The following GRIN2B variants were observed in gnomAD, a reference collection of about 807,000 sequenced individuals.
GRIN2B encodes glutamate ionotropic receptor NMDA type subunit 2B.
In GRIN2B, 5 loss-of-function variants were observed where a neutral mutation model predicts 114.5. That is an observed-to-expected ratio of 0.04 (90% CI 0.02 to 0.09). GRIN2B has a LOEUF of 0.09. Ranked by LOEUF, GRIN2B falls within the 10% of genes least tolerant of loss-of-function variation. The pLI is 1.00. For synonymous variants in GRIN2B, 787 were observed against 745.1 expected, an observed-to-expected ratio of 1.06 and a Z score of -0.92; for missense variants, 1,108 against 1,943.5, an observed-to-expected ratio of 0.57 and a Z score of 8.08.
chr12:13,844,713 G>A (rs1021074207), intron 3 of GRIN2B, among the ~76,000 whole-genome samples: 4 of 152,122 alleles, frequency 2.6e-5, no homozygotes, highest in Non-Finnish European at 5.9e-5. Context: ...GAGACTTATG[G>A]TGATGATGGG....
At chr12:13,656,098 T>C (rs189047551) in intron 5 of GRIN2B, among the ~76,000 whole-genome samples, 6 of 152,318 alleles carry the variant, frequency 3.9e-5, no homozygotes, top group African/African-American at 9.6e-5. Flanking sequence ...TCTCCTTCCT[T>C]GGAGAACAGA....
rs910451657 is a variant in GRIN2B, at chr12:13,550,740, A to G, written c.*12043T>C. 5 of 152,164 alleles carry G rather than the reference A, an allele frequency of 3.3e-5. No individual in the cohort carries two copies. Among genetic ancestry groups the G allele is most frequent in the African/African-American group, 1.2e-4 (5 of 41,456 alleles). The allele number at this position is 152,164 out of a possible 1,614,324, so 9.4% of individuals were successfully genotyped here. On this transcript the variant is annotated 3_prime_UTR_variant, in exon 14 of 14. Transcript: ENST00000609686. ...GGCCCCATCCTAGTCATTAAAATGC[A>G]GTGGGATTGACTGTGCTAGACTGAT...
chr12:13,868,053 C>T (rs1410313776), intron 2 of GRIN2B, among the ~76,000 whole-genome samples: 2 of 152,118 alleles, frequency 1.3e-5, no homozygotes, highest in African/African-American at 4.8e-5. Context: ...ATGCTGGGGA[C>T]ATTTTGTGGC....
intron 3 of GRIN2B, among the ~76,000 whole-genome samples, chr12:13,805,465 C>G (rs1031206185): frequency 6.6e-6 from 1 of 152,076 alleles, no homozygotes; most frequent in South Asian, 2.1e-4. Flanking sequence ...GTGCTAACTA[C>G]AGCACAAGAA....
At chr12:13,649,011 G>T (rs989026011) in intron 5 of GRIN2B, among the ~76,000 whole-genome samples, 3 of 152,120 alleles carry the variant, frequency 2.0e-5, no homozygotes, top group Middle Eastern at 3.4e-3. Flanking sequence ...AAAAATACTG[G>T]CTTTAATCAC....
At chr12:13,656,279 G>T (rs1949862502) in intron 5 of GRIN2B, among the ~76,000 whole-genome samples, 1 of 152,182 alleles carries the variant, frequency 6.6e-6, no homozygotes, top group South Asian at 2.1e-4. Flanking sequence ...AGATTACAGA[G>T]AAAGAGACAA....
chr12:13,678,052 A>G (rs1174110762), intron 4 of GRIN2B, among the ~76,000 whole-genome samples: 5 of 152,160 alleles, frequency 3.3e-5, no homozygotes, highest in African/African-American at 1.2e-4. Context: ...AAATGTTCAG[A>G]GTCCTAAGCT....
intron 2 of GRIN2B, among the ~76,000 whole-genome samples, chr12:13,875,175 A>T (rs991270638): frequency 2.0e-5 from 3 of 152,162 alleles, no homozygotes; most frequent in Non-Finnish European, 2.9e-5. Flanking sequence ...CTATGTAACA[A>T]ACCTGCACAT....
At chr12:13,635,614 A>G (rs542342232) in intron 5 of GRIN2B, among the ~76,000 whole-genome samples, 53 of 152,322 alleles carry the variant, frequency 3.5e-4, no homozygotes, top group African/African-American at 1.1e-3. Flanking sequence ...GAGTACAAGC[A>G]CAGAAGGATT....
chr12:13,884,646 A>G (rs1296761353), intron 2 of GRIN2B, among the ~76,000 whole-genome samples: 1 of 152,080 alleles, frequency 6.6e-6, no homozygotes, highest in East Asian at 1.9e-4. Context: ...TTATAGAACT[A>G]GTAACAGAGA....
At chr12:13,658,241 T>C (rs1949886988) in intron 5 of GRIN2B, among the ~76,000 whole-genome samples, 1 of 151,294 alleles carries the variant, frequency 6.6e-6, no homozygotes, top group Non-Finnish European at 1.5e-5. Flanking sequence ...AACCCACACA[T>C]TTATAATATA....
At chr12:13,788,329 G>A (rs1009529090) in intron 3 of GRIN2B, among the ~76,000 whole-genome samples, 2 of 152,138 alleles carry the variant, frequency 1.3e-5, no homozygotes, top group African/African-American at 2.4e-5. Flanking sequence ...AATGGACTAA[G>A]TTTCCAGCAA....
At chr12:13,717,951 G>A (rs1296479596) in intron 4 of GRIN2B, among the ~76,000 whole-genome samples, 5 of 151,972 alleles carry the variant, frequency 3.3e-5, no homozygotes, top group South Asian at 2.1e-4. Context: ...AGGATGCTCC[G>A]TCAGGCATTT....
chr12:13,877,841 T>G (rs1262991610), intron 2 of GRIN2B, among the ~76,000 whole-genome samples: 1 of 152,022 alleles, frequency 6.6e-6, no homozygotes, highest in Non-Finnish European at 1.5e-5. Context: ...AGCAGGCGGA[T>G]CACTTGAGGT....
intron 2 of GRIN2B, among the ~76,000 whole-genome samples, chr12:13,875,755 T>A (rs1283770889): frequency 6.6e-6 from 1 of 152,218 alleles, no homozygotes; most frequent in Non-Finnish European, 1.5e-5. Context: ...TGCTGTGCGA[T>A]CTTTACCTCT....
At chr12:13,703,637 C>T (rs180828225) in intron 4 of GRIN2B, among the ~76,000 whole-genome samples, 20 of 152,254 alleles carry the variant, frequency 1.3e-4, no homozygotes, top group Admixed American at 9.8e-4. Flanking sequence ...CATAATCTTT[C>T]ATTGAATTAT....
At chr12:13,934,221 C>T (rs1301833009) in intron 2 of GRIN2B, among the ~76,000 whole-genome samples, 1 of 152,194 alleles carries the variant, frequency 6.6e-6, no homozygotes, top group African/African-American at 2.4e-5. Context: ...CATGCTCTTC[C>T]TCTGTGTCCA....
At chr12:13,645,430 T>C (rs1949752445) in intron 5 of GRIN2B, among the ~76,000 whole-genome samples, 1 of 152,032 alleles carries the variant, frequency 6.6e-6, no homozygotes, top group African/African-American at 2.4e-5. Flanking sequence ...ACAGATATAA[T>C]AATAATGAAA....
At chr12:13,731,259 A>G (rs1863082450) in intron 4 of GRIN2B, among the ~76,000 whole-genome samples, 1 of 152,174 alleles carries the variant, frequency 6.6e-6, no homozygotes, top group African/African-American at 2.4e-5. Flanking sequence ...CTTCTGTGAA[A>G]AGCAAGTTCC....
Sources: gnomAD v4.1 joint callset for allele counts (sites outside exome capture counted in the v4.1 genomes callset) on GRCh38, gnomAD v4.1.1 for gene constraint, MANE v1.5 for transcripts, NCBI Gene and HGNC (gene_info 2026-07-23, HGNC 2026-07-21) for gene names.